ESF1: variants seen among roughly 807,000 people sequenced by gnomAD.
The protein encoded by ESF1 is ESF1 homolog.
A neutral mutation model predicts 92.0 loss-of-function variants in ESF1; 58 were observed. The observed-to-expected ratio is 0.63, with a 90% CI of 0.51 to 0.78. ESF1 has a LOEUF of 0.78. Ranked by LOEUF, ESF1 falls within the 30% of genes least tolerant of loss-of-function variation. The probability of loss-of-function intolerance (pLI) is 0.00; values close to 1 mark genes in which losing one functional copy is unlikely to be tolerated. For synonymous variants in ESF1, 321 were observed against 313.7 expected (o/e 1.02, Z -0.24); for missense variants, 922 against 989.1 (o/e 0.93, Z 0.91).
At chr20:13,782,430 G>A in intron 2 of ESF1, 74 bp downstream of exon 2, 1 of 1,254,544 alleles carries the variant, frequency 8.0e-7, no homozygotes, top group South Asian at 2.1e-5. Context: ...TTATTAATGT[G>A]TTTACATTTT....
chr20:13,735,338 T>C (rs1486467097), intron 9 of ESF1, among the ~76,000 whole-genome samples: 1 of 152,126 alleles, frequency 6.6e-6, no homozygotes, highest in Non-Finnish European at 1.5e-5. Flanking sequence ...CACAGATTTG[T>C]TTTTATGACA....
chr20:13,774,746 C>G (rs550517459), intron 4 of ESF1, among the ~76,000 whole-genome samples: 2 of 152,112 alleles, frequency 1.3e-5, no homozygotes, highest in Non-Finnish European at 2.9e-5. Context: ...TCAAATTTAT[C>G]AAGTGTTACA....
At chr20:13,765,533 C>T (rs576423168) in intron 8 of ESF1, among the ~76,000 whole-genome samples, 17 of 152,032 alleles carry the variant, frequency 1.1e-4, no homozygotes, top group Non-Finnish European at 2.2e-4. Context: ...CTATGAAAGT[C>T]AATTGTGGTT....
chr20:13,733,180 C>T (rs367746517), intron 10 of ESF1, among the ~76,000 whole-genome samples: 1 of 152,058 alleles, frequency 6.6e-6, no homozygotes, highest in East Asian at 1.9e-4. Context: ...CCTGCCTTGG[C>T]CTCCCAAAGT....
intron 6 of ESF1, among the ~76,000 whole-genome samples, chr20:13,771,051 A>T (rs1399493710): frequency 6.6e-6 from 1 of 152,196 alleles, no homozygotes; most frequent in Non-Finnish European, 1.5e-5. Flanking sequence ...TAGCTCTAAA[A>T]GCAGTTGCAA....
At chr20:13,770,394 G>A (rs952528331) in intron 6 of ESF1, among the ~76,000 whole-genome samples, 1 of 152,210 alleles carries the variant, frequency 6.6e-6, no homozygotes, top group Non-Finnish European at 1.5e-5. Context: ...TTACAGAGAG[G>A]GTCTTGCTCC....
At chr20:13,749,232 A>ATTTTT (rs71188184) in intron 9 of ESF1, among the ~76,000 whole-genome samples, 19 of 89,674 alleles carry the variant, frequency 2.1e-4, no homozygotes, top group East Asian at 3.8e-4. Flanking sequence ...TGCCCGGCTA[A>ATTTTT]TTTTTTTTTT....
At chr20:13,779,685 C>G (rs1288261339) in intron 2 of ESF1, among the ~76,000 whole-genome samples, 1 of 152,146 alleles carries the variant, frequency 6.6e-6, no homozygotes, top group African/African-American at 2.4e-5. Context: ...CAGGTGTGCA[C>G]CACTATGCCC....
chr20:13,718,176 TACC>T (rs1358708924), intron 12 of ESF1, among the ~76,000 whole-genome samples: 1 of 152,204 alleles, frequency 6.6e-6, no homozygotes, highest in Non-Finnish European at 1.5e-5. Flanking sequence ...CTTCCTATAT[TACC>T]ACTTTAGACT....
chr20:13,769,840 G>A (rs1600291458), intron 7 of ESF1, 67 bp downstream of exon 7: 1 of 941,782 alleles, frequency 1.1e-6, no homozygotes, highest in Non-Finnish European at 1.6e-6. Flanking sequence ...GATGCTATAA[G>A]TAATATACAA....
chr20:13,716,804 AT>A (rs71188180), intron 13 of ESF1, among the ~76,000 whole-genome samples: 27 of 45,902 alleles, frequency 5.9e-4, no homozygotes, highest in Admixed American at 1.6e-3. Context: ...CTATACCTGG[AT>A]TTTTTTTTTT....
At chr20:13,724,129 T>C (rs1322908351) in intron 11 of ESF1, among the ~76,000 whole-genome samples, 3 of 152,048 alleles carry the variant, frequency 2.0e-5, no homozygotes, top group East Asian at 1.9e-4. Context: ...ACCCTGTCTC[T>C]ACTAAAAATA....
chr20:13,757,847 T>C (rs1290887806), intron 9 of ESF1, among the ~76,000 whole-genome samples: 1 of 152,248 alleles, frequency 6.6e-6, no homozygotes, highest in African/African-American at 2.4e-5. Context: ...ATTTTAGATC[T>C]GCTTTCTCAG....
At chr20:13,779,262 TA>T (rs919817788) in intron 2 of ESF1, among the ~76,000 whole-genome samples, 29 of 152,026 alleles carry the variant, frequency 1.9e-4, no homozygotes, top group African/African-American at 7.0e-4. Context: ...CCCCCAATTA[TA>T]AACATAATGA....
chr20:13,729,531 G>A (rs1265884613), intron 10 of ESF1, among the ~76,000 whole-genome samples: 1 of 152,196 alleles, frequency 6.6e-6, no homozygotes, highest in Non-Finnish European at 1.5e-5. Context: ...GATCAGTGAT[G>A]GGAGGTGGCA....
intron 9 of ESF1, among the ~76,000 whole-genome samples, chr20:13,744,477 C>T (rs1323752546): frequency 6.6e-6 from 1 of 152,180 alleles, no homozygotes; most frequent in Non-Finnish European, 1.5e-5. Context: ...ACATCATCTC[C>T]ATTTCCCATC....
At chr20:13,768,386 C>T (rs1276823876) in intron 7 of ESF1, among the ~76,000 whole-genome samples, 2 of 152,108 alleles carry the variant, frequency 1.3e-5, no homozygotes, top group Non-Finnish European at 1.5e-5. Context: ...AGTTCGAGAT[C>T]GGCCTGACTA....
At chr20:13,780,653 CA>C (rs1462731003) in intron 2 of ESF1, among the ~76,000 whole-genome samples, 1 of 152,150 alleles carries the variant, frequency 6.6e-6, no homozygotes, top group Non-Finnish European at 1.5e-5. Context: ...CTTGGGCTAT[CA>C]AGACCTCTTG....
intron 8 of ESF1, among the ~76,000 whole-genome samples, chr20:13,764,496 T>C (rs1979341700): frequency 2.6e-5 from 4 of 152,190 alleles, no homozygotes; most frequent in African/African-American, 7.2e-5. Flanking sequence ...GCACCAACCC[T>C]AGGCACAGTC....
Sources: gnomAD v4.1 joint callset for allele counts (sites outside exome capture counted in the v4.1 genomes callset) on GRCh38, gnomAD v4.1.1 for gene constraint, MANE v1.5 for transcripts, NCBI Gene and HGNC (gene_info 2026-07-23, HGNC 2026-07-21) for gene names.